ENAH: variants seen among roughly 807,000 people sequenced by gnomAD.
The protein encoded by ENAH is protein enabled homolog.
In ENAH, 23 loss-of-function variants were observed where a neutral mutation model predicts 78.7. The observed-to-expected ratio is 0.29, with a 90% confidence interval of 0.21 to 0.41. The LOEUF is 0.41. Ranked by LOEUF, ENAH falls within the 10% of genes least tolerant of loss-of-function variation. The pLI is 1.00. For synonymous variants in ENAH, 226 were observed against 241.0 expected (o/e 0.94, Z 0.58); for missense variants, 544 against 691.0 (o/e 0.79, Z 2.39).
intron 1 of ENAH, among the ~76,000 whole-genome samples, chr1:225,604,006 A>G (rs1421721712): frequency 6.6e-6 from 1 of 152,242 alleles, no homozygotes; most frequent in Non-Finnish European, 1.5e-5. Flanking sequence ...CACTCATTCT[A>G]AATCTTATTT....
intron 1 of ENAH, among the ~76,000 whole-genome samples, chr1:225,650,856 A>T (rs1662847462): frequency 6.9e-6 from 1 of 143,888 alleles, no homozygotes; most frequent in African/African-American, 2.8e-5. Flanking sequence ...TTTAAAAAAA[A>T]AAAAAAAAAA....
intron 11 of ENAH, among the ~76,000 whole-genome samples, chr1:225,506,512 A>T (rs1449889117): frequency 6.6e-6 from 1 of 152,142 alleles, no homozygotes; most frequent in African/African-American, 2.4e-5. Flanking sequence ...GGCTTAATAA[A>T]TCAGCACTTC....
intron 1 of ENAH, 48 bp downstream of exon 1, chr1:225,652,638 T>TCCCGCGGCACAATGGCC: frequency 7.9e-7 from 1 of 1,262,102 alleles, no homozygotes; most frequent in Non-Finnish European, 1.0e-6. Flanking sequence ...GGGTCGCGGC[T>TCCCGCGGCACAATGGCC]CCCGCGGCAC....
chr1:225,520,979 A>G (rs1042857899), intron 4 of ENAH, among the ~76,000 whole-genome samples: 1 of 142,522 alleles, frequency 7.0e-6, no homozygotes, highest in Non-Finnish European at 1.5e-5. Context: ...GGAGGGAGAC[A>G]TAAGTTAGTA....
chr1:225,555,867 A>C (rs2096664012), intron 2 of ENAH, among the ~76,000 whole-genome samples: 1 of 152,168 alleles, frequency 6.6e-6, no homozygotes, highest in Non-Finnish European at 1.5e-5. Flanking sequence ...CATTCTGAGG[A>C]GGGTCTTGAG....
chr1:225,519,332 T>C lies in ENAH; in HGVS notation c.668A>G (p.Asp223Gly). The change falls in exon 5 of 14, where the codon GAT (aspartate) becomes GGT (glycine). Residue 223 changes from aspartate (D) to glycine (G), a missense_variant. Physicochemically the swap from Asp to Gly is moderately conservative, Grantham distance 94. Around this residue, in one of 4 missense-constraint regions of ENAH, gnomAD observed 366 missense variants for 396.1 expected, o/e 0.92. Transcript: ENST00000366843. ...QERLERQERL[D>G]RERQERQERE... is the part of the protein sequence containing the mutation. Reference sequence around the variant, plus strand: ...TTCTTGTCTTTCTTGCCTCTCCCGATCCAGGCGTTCCTGCCGCTCCAGGCG... The same window carrying C: ...TTCTTGTCTTTCTTGCCTCTCCCGACCCAGGCGTTCCTGCCGCTCCAGGCG... 4 of 1,479,354 alleles carry C rather than the reference T, an allele frequency of 2.7e-6. No individual in the cohort carries two copies. Among genetic ancestry groups the C allele is most frequent in the Non-Finnish European group, 2.7e-6 (3 of 1,093,774 alleles). 91.6% of individuals were successfully genotyped at this position (1,479,354 alleles called of 1,614,324 possible).
At chr1:225,555,188 C>G in intron 2 of ENAH, 105 bp from the exon 3 acceptor site, 1 of 987,126 alleles carries the variant, frequency 1.0e-6, no homozygotes. Flanking sequence ...TCCTAACAGA[C>G]CTTGGCAAAA....
chr1:225,542,024 G>A (rs1031318596), intron 3 of ENAH, among the ~76,000 whole-genome samples: 5 of 152,118 alleles, frequency 3.3e-5, no homozygotes, highest in African/African-American at 1.2e-4. Flanking sequence ...GGGACTACAG[G>A]TGCATACCAC....
intron 5 of ENAH, chr1:225,517,719 G>A: frequency 6.4e-7 from 1 of 1,551,212 alleles, no homozygotes; most frequent in Non-Finnish European, 8.7e-7. Flanking sequence ...GAGAGTTTTT[G>A]TTCAGAGGAC....
At chr1:225,590,931 G>C (rs965053123) in intron 1 of ENAH, among the ~76,000 whole-genome samples, 1 of 152,094 alleles carries the variant, frequency 6.6e-6, no homozygotes, top group African/African-American at 2.4e-5. Context: ...TTCTGCAAAG[G>C]AGAATCTAGT....
At chr1:225,653,304 G>A (rs1663409355), upstream of ENAH, among the ~76,000 whole-genome samples, 1 of 151,456 alleles carries the variant, frequency 6.6e-6, no homozygotes, top group Non-Finnish European at 1.5e-5. This position sits in a 1 kb window ranked among gnomAD's most constrained non-coding sequence, Gnocchi z 4.3. Context: ...CCGGACTGCG[G>A]AGAGCGAGGC....
At chr1:225,615,584 G>T (rs1256341071) in intron 1 of ENAH, among the ~76,000 whole-genome samples, 3 of 151,254 alleles carry the variant, frequency 2.0e-5, no homozygotes, top group South Asian at 4.2e-4. Flanking sequence ...CTGCCAGCCC[G>T]TCTGGGAAGT....
chr1:225,602,711 G>A (rs971753185), intron 1 of ENAH, among the ~76,000 whole-genome samples: 4 of 152,072 alleles, frequency 2.6e-5, no homozygotes, highest in African/African-American at 9.7e-5. Flanking sequence ...ATGCTGTCTA[G>A]CACAGTGCCA....
intron 1 of ENAH, among the ~76,000 whole-genome samples, chr1:225,600,271 G>A (rs2096923891): frequency 6.6e-6 from 1 of 152,126 alleles, no homozygotes; most frequent in African/African-American, 2.4e-5. Flanking sequence ...GGAGACGGAG[G>A]CCGGGAGGAT....
chr1:225,620,235 G>C (rs1412522052), intron 1 of ENAH, among the ~76,000 whole-genome samples: 1 of 151,920 alleles, frequency 6.6e-6, no homozygotes, highest in African/African-American at 2.4e-5. Context: ...TTCGTCACTA[G>C]AAAAGTACCA....
rs1380115276 is a variant in ENAH at position 225,519,532 on chromosome 1, C to T, written c.468G>A (p.Leu156=). ...QLQEQQRQKE[L]ERERLERERM... is the part of the protein sequence containing the mutation. ...TTTCTCGCTCCAGCCTTTCCCGCTC[C>T]AGCTCCTTTTGCCGTTGCTGTTCTT... Residue 156 remains leucine, a synonymous_variant, in exon 5 of 14, where the codon CTG becomes CTA. Transcript: ENST00000366843. 8 of 1,612,188 alleles carry T rather than the reference C, an allele frequency of 5.0e-6. No homozygotes were observed. Among genetic ancestry groups the T allele is most frequent in the Non-Finnish European group, 6.8e-6 (8 of 1,179,780 alleles).
At chr1:225,617,664 G>A (rs1656035977) in intron 1 of ENAH, among the ~76,000 whole-genome samples, 1 of 152,162 alleles carries the variant, frequency 6.6e-6, no homozygotes, top group African/African-American at 2.4e-5. Context: ...TCAGAGGTAT[G>A]ATTCACGCAT....
At chr1:225,640,690 CTATAAAATGGA>C (rs1660865365) in intron 1 of ENAH, among the ~76,000 whole-genome samples, 1 of 152,070 alleles carries the variant, frequency 6.6e-6, no homozygotes. Flanking sequence ...ATTTCCTCAT[CTATAAAATGGA>C]GATAACAGTT....
chr1:225,562,613 C>T (rs1049152077), intron 2 of ENAH, among the ~76,000 whole-genome samples: 2 of 132,820 alleles, frequency 1.5e-5, no homozygotes, highest in African/African-American at 5.6e-5. Flanking sequence ...CACACCCAAG[C>T]ATAGTACCCA....
Sources: gnomAD v4.1 joint callset for allele counts (sites outside exome capture counted in the v4.1 genomes callset) on GRCh38, gnomAD v4.1.1 for gene constraint, gnomAD v4.1.1 regional missense constraint, Gnocchi (gnomAD v3.1) non-coding constraint, MANE v1.5 for transcripts, NCBI Gene and HGNC (gene_info 2026-07-23, HGNC 2026-07-21) for gene names.